KAZN: variants seen among roughly 807,000 people sequenced by gnomAD.
KAZN encodes the protein kazrin, periplakin interacting protein, also known as kazrin.
In KAZN, 40 loss-of-function variants were observed where a neutral mutation model predicts 87.4. The ratio of observed to expected loss-of-function variants is 0.46; its 90% CI spans 0.36 to 0.60. The LOEUF (loss-of-function observed/expected upper bound fraction) is 0.60. Ranked by LOEUF, KAZN falls within the 20% of genes least tolerant of loss-of-function variation. The pLI is 0.00. For synonymous variants in KAZN, 466 were observed against 458.3 expected (o/e 1.02, Z -0.22); for missense variants, 898 against 1,073.9 (o/e 0.84, Z 2.29).
chr1:14,172,344 G>A (rs1645971223), intron 1 of KAZN, among the ~76,000 whole-genome samples: 1 of 152,256 alleles, frequency 6.6e-6, no homozygotes, highest in African/African-American at 2.4e-5. Context: ...GGGAGGGGAT[G>A]AAGTGGAGTG....
chr1:14,691,419 G>A (rs1455192868), intron 1 of KAZN, among the ~76,000 whole-genome samples: 6 of 152,146 alleles, frequency 3.9e-5, no homozygotes, highest in Non-Finnish European at 7.3e-5. Context: ...TTCAGTGCAT[G>A]CATGAAAGAA....
At chr1:14,675,341 C>T (rs1640157259) in intron 1 of KAZN, among the ~76,000 whole-genome samples, 1 of 152,242 alleles carries the variant, frequency 6.6e-6, no homozygotes, top group South Asian at 2.1e-4. Context: ...AGGAGAGGGC[C>T]CGCAGGGCAA....
intron 4 of KAZN, among the ~76,000 whole-genome samples, chr1:15,049,004 C>G (rs1296203697): frequency 6.6e-6 from 1 of 152,238 alleles, no homozygotes. Flanking sequence ...AAGAAGCACC[C>G]CGTCTTCATG....
At position 14,894,482 on chromosome 1, in the gene KAZN, C is replaced by T. The variant is rs552355324; in HGVS notation, c.227-66202C>T. ...CTGGGAAGACTGAATGTGTTAGGGA[C>T]GTCAAGGGTGTAGAGTGCCTCATGG... On this transcript the variant is annotated intron_variant, in intron 1 of 14. Coordinates refer to ENST00000376030, the MANE Select transcript of KAZN (RefSeq NM_201628.3). Among the ~76,000 whole-genome samples the T allele has an allele frequency of 5.3e-5, 8 of 152,310 alleles. No homozygotes were observed. In the South Asian group the frequency reaches 1.7e-3, roughly 32 times the overall value.
At chr1:14,726,456 C>A (rs1462006301) in intron 1 of KAZN, among the ~76,000 whole-genome samples, 2 of 152,134 alleles carry the variant, frequency 1.3e-5, no homozygotes, top group African/African-American at 4.8e-5. Context: ...GTGTGCTCTC[C>A]CCCAGGGATC....
intron 1 of KAZN, among the ~76,000 whole-genome samples, chr1:14,145,805 T>C (rs1363356012): frequency 6.6e-6 from 1 of 152,208 alleles, no homozygotes; most frequent in Non-Finnish European, 1.5e-5. Flanking sequence ...GGTCTTGACC[T>C]CCTGACCTCA....
chr1:15,099,709 G>A lies in KAZN; in HGVS notation c.1548-1834G>A, dbSNP rs371538757. Among the ~76,000 whole-genome samples the A allele has an allele frequency of 6.6e-5, 10 of 152,196 alleles. No individual in the cohort carries two copies. Among genetic ancestry groups the A allele is most frequent in the South Asian group, 2.1e-4 (1 of 4,836 alleles). On this transcript the variant is annotated intron_variant, in intron 10 of 14. Coordinates refer to ENST00000376030, the MANE Select transcript of KAZN (RefSeq NM_201628.3). This position sits in a 1 kb window ranked among gnomAD's most constrained non-coding sequence, Gnocchi z 5.4. The stretch of plus-strand genomic sequence containing the variant: ...CTGCAAAGAGAAGCCACAGAGTGTT[G>A]AGCAGGGGAGTGCACGGTCACACTG...
intron 1 of KAZN, among the ~76,000 whole-genome samples, chr1:14,775,400 T>A: frequency 6.6e-6 from 1 of 152,220 alleles, no homozygotes; most frequent in Non-Finnish European, 1.5e-5. Flanking sequence ...TGTTCCTTCG[T>A]CAGGTTTGAT....
At chr1:14,928,584 C>T (rs1230720790) in intron 1 of KAZN, among the ~76,000 whole-genome samples, 1 of 152,156 alleles carries the variant, frequency 6.6e-6, no homozygotes, top group Non-Finnish European at 1.5e-5. Flanking sequence ...ATTTGCTTAT[C>T]TTCCTGCTGT....
intron 1 of KAZN, among the ~76,000 whole-genome samples, chr1:14,616,012 GAGACA>G (rs1399973327): frequency 7.2e-5 from 11 of 152,214 alleles, no homozygotes; most frequent in Admixed American, 7.2e-4. Context: ...ATGCGCAGGA[GAGACA>G]CTTGAAAGCT....
At chr1:14,747,399 C>T (rs984696621) in intron 1 of KAZN, among the ~76,000 whole-genome samples, 6 of 152,174 alleles carry the variant, frequency 3.9e-5, no homozygotes, top group Non-Finnish European at 8.8e-5. Context: ...TCCTCAGCCT[C>T]CCAAATAACT....
chr1:14,045,069 G>C (rs923411159), intron 1 of KAZN, among the ~76,000 whole-genome samples: 1 of 152,160 alleles, frequency 6.6e-6, no homozygotes, highest in South Asian at 2.1e-4. Flanking sequence ...GCCCCAAGGG[G>C]CCAGTTACAC....
At chr1:14,395,804 G>A (rs999319548) in intron 2 of KAZN, among the ~76,000 whole-genome samples, 2 of 152,060 alleles carry the variant, frequency 1.3e-5, no homozygotes, top group African/African-American at 4.8e-5. Flanking sequence ...ACAGCAGGGG[G>A]CACCAAACAG....
intron 1 of KAZN, among the ~76,000 whole-genome samples, chr1:14,155,147 T>C (rs773638879): frequency 2.6e-5 from 4 of 152,228 alleles, no homozygotes; most frequent in Non-Finnish European, 4.4e-5. Flanking sequence ...AATTCAGCAG[T>C]GAAGTCATCA....
At chr1:13,948,672 C>G (rs898508868) in intron 1 of KAZN, among the ~76,000 whole-genome samples, 2 of 152,108 alleles carry the variant, frequency 1.3e-5, no homozygotes, top group African/African-American at 4.8e-5. Flanking sequence ...CCCAAGACCT[C>G]TTTGTGGCCA....
At position 15,114,752 on chromosome 1, in the gene KAZN, T is replaced by A. The variant is rs1641783044; in HGVS notation, c.*117T>A. On this transcript the variant is annotated 3_prime_UTR_variant, in exon 15 of 15. Coordinates refer to ENST00000376030, the MANE Select transcript of KAZN (RefSeq NM_201628.3). ...GCCGCAGGCTGAGGATGTCCCTTGC[T>A]CCTGGGCAAAATCCCGATGGACTCT... 2.6e-5 allele frequency: 28 copies of A among 1,062,320 alleles called. No individual in the cohort carries two copies. The East Asian group carries it at 7.4e-4, about 28-fold the overall frequency. 65.8% of individuals were successfully genotyped at this position (1,062,320 alleles called of 1,614,324 possible). A position where few individuals can be genotyped will look rare whatever the true frequency, so the allele number is the denominator to read the frequency against.
intron 8 of KAZN, among the ~76,000 whole-genome samples, chr1:15,093,778 T>G (rs1640665782): frequency 6.6e-6 from 1 of 152,292 alleles, no homozygotes; most frequent in East Asian, 1.9e-4. Context: ...AGGAATTTCC[T>G]TGTGGGCAAA....
intron 2 of KAZN, among the ~76,000 whole-genome samples, chr1:14,386,628 G>A (rs908410519): frequency 1.3e-5 from 2 of 152,124 alleles, no homozygotes; most frequent in African/African-American, 4.8e-5. Flanking sequence ...CTTTAAGAAT[G>A]TTGAATATTG....
intron 2 of KAZN, among the ~76,000 whole-genome samples, chr1:14,333,838 T>C (rs1219052212): frequency 6.6e-6 from 1 of 152,040 alleles, no homozygotes; most frequent in East Asian, 1.9e-4. Context: ...GGGGGAAGTT[T>C]TCCAGCAATG....
Sources: allele counts gnomAD v4.1 joint callset (sites outside exome capture counted in the v4.1 genomes callset), GRCh38; gene constraint gnomAD v4.1.1; non-coding constraint Gnocchi (gnomAD v3.1); transcripts MANE v1.5; gene names NCBI Gene and HGNC (gene_info 2026-07-23, HGNC 2026-07-21).